Variants in FAM83D observed in about 807,000 individuals in gnomAD.
FAM83D encodes the protein protein FAM83D.
A neutral mutation model predicts 25.4 loss-of-function variants in FAM83D; 26 were observed. That is an observed-to-expected ratio of 1.02 (90% CI 0.75 to 1.42). The LOEUF (loss-of-function observed/expected upper bound fraction) is 1.42. Ranked by LOEUF, FAM83D falls within the 40% of genes most tolerant of loss-of-function variation. The probability of loss-of-function intolerance (pLI) is 0.00; values close to 1 mark genes in which losing one functional copy is unlikely to be tolerated. For missense variants in FAM83D, 740 were observed against 758.1 expected, an observed-to-expected ratio of 0.98 and a Z score of 0.28; for synonymous variants, 310 against 318.5, an observed-to-expected ratio of 0.97 and a Z score of 0.28.
At chr20:38,936,332 C>T (rs2085678938) in intron 1 of FAM83D, among the ~76,000 whole-genome samples, 1 of 152,134 alleles carries the variant, frequency 6.6e-6, no homozygotes, top group South Asian at 2.1e-4. Flanking sequence ...ACTGACTTCG[C>T]AGAGCTGGAA....
intron 1 of FAM83D, 30 bp from the exon 2 acceptor site, chr20:38,941,929 A>T (rs748544720): frequency 1.2e-6 from 2 of 1,612,356 alleles, no homozygotes; most frequent in African/African-American, 2.7e-5. Flanking sequence ...CTATAAGCTT[A>T]TCATGTGCTC....
intron 1 of FAM83D, among the ~76,000 whole-genome samples, chr20:38,938,903 C>T (rs1257928386): frequency 6.6e-6 from 1 of 152,204 alleles, no homozygotes; most frequent in Non-Finnish European, 1.5e-5. Context: ...GGGCCCAGAT[C>T]TCTGACCTAT....
At chr20:38,941,831 G>T (rs1205866631) in intron 1 of FAM83D, 128 bp from the exon 2 acceptor site, 4 of 895,392 alleles carry the variant, frequency 4.5e-6, no homozygotes, top group Non-Finnish European at 7.2e-6. Flanking sequence ...ACTGCAGAAG[G>T]GGGAGGGAAG....
At chr20:38,938,108 GCAC>G (rs2085686209) in intron 1 of FAM83D, among the ~76,000 whole-genome samples, 1 of 152,164 alleles carries the variant, frequency 6.6e-6, no homozygotes, top group Non-Finnish European at 1.5e-5. Flanking sequence ...CAAATCCAAC[GCAC>G]AGGAAAGGGT....
chr20:38,939,559 C>T (rs535406828), intron 1 of FAM83D, among the ~76,000 whole-genome samples: 6 of 152,228 alleles, frequency 3.9e-5, no homozygotes, highest in African/African-American at 9.6e-5. Flanking sequence ...CCGTGTTGGC[C>T]GGGCTGCTCT....
chr20:38,935,691 C>A (rs981275581), intron 1 of FAM83D, among the ~76,000 whole-genome samples: 14 of 152,156 alleles, frequency 9.2e-5, no homozygotes, highest in Non-Finnish European at 1.9e-4. Context: ...AGTGATCCTC[C>A]CACCTTAGCC....
chr20:38,931,325 G>A (rs1437196362), intron 1 of FAM83D, among the ~76,000 whole-genome samples: 1 of 152,228 alleles, frequency 6.6e-6, no homozygotes, highest in Non-Finnish European at 1.5e-5. Context: ...CCCATCAAGT[G>A]GGGAAGGTGG....
At position 38,952,736 on chromosome 20, in the gene FAM83D, A is replaced by T. The variant is rs1167250058; in HGVS notation, c.*216A>T. 1 of 599,336 alleles carries T rather than the reference A, an allele frequency of 1.7e-6. No homozygotes were observed. The highest frequency in any genetic ancestry group is 1.9e-5 in the African/African-American group (1 of 53,934). 37.1% of individuals were successfully genotyped at this position (599,336 alleles called of 1,614,324 possible). On this transcript the variant is annotated 3_prime_UTR_variant, in exon 4 of 4. Transcript: ENST00000619850. ...GTTTTATGGTTTAAACACTATGGAT[A>T]CAGGGGTTTGTTTTGCACAATTTTA...
At chr20:38,929,514 C>T (rs372285062) in intron 1 of FAM83D, among the ~76,000 whole-genome samples, 2 of 150,910 alleles carry the variant, frequency 1.3e-5, no homozygotes, top group African/African-American at 4.9e-5. Flanking sequence ...TTCCCCACAG[C>T]GGGTTAGTGG....
Position 38,939,418 on chromosome 20 carries a change from C to T in FAM83D, c.484-2541C>T, listed in dbSNP as rs551950993. Among the ~76,000 whole-genome samples the T allele has an allele frequency of 1.2e-4, 19 of 152,190 alleles. No individual in the cohort carries two copies. The South Asian group carries it at 3.7e-3, about 30-fold the overall frequency. On this transcript the variant is annotated intron_variant, in intron 1 of 3. Transcript: ENST00000619850. ...AGGCTGGAGTGCAGTGGTGCGATCT[C>T]GGTTCACTGCAACCTTCACCTCCCA...
At chr20:38,943,043 GAGAT>G (rs1300358160) in intron 2 of FAM83D, among the ~76,000 whole-genome samples, 320 of 139,630 alleles carry the variant, frequency 2.3e-3, no homozygotes, top group African/African-American at 8.3e-3. Flanking sequence ...TTTTTTTCCT[GAGAT>G]AGAGTCTCAC....
chr20:38,926,724 C>T lies in FAM83D; in HGVS notation c.282C>T (p.His94=), dbSNP rs1425197844. 6.6e-7 allele frequency: 1 copy of T among 1,525,810 alleles called. No homozygotes were observed. The highest frequency in any genetic ancestry group is 2.0e-5 in the Admixed American group (1 of 49,650). 94.5% of individuals were successfully genotyped at this position (1,525,810 alleles called of 1,614,324 possible). Residue 94 remains histidine (H), a synonymous_variant, in exon 1 of 4, where the codon CAC becomes CAT. Transcript: ENST00000619850. ...AAAEDSFGSS[H]DCSSGTYFPE... ...CCGAGGACTCGTTCGGCTCCTCGCA[C>T]GACTGCTCTTCGGGCACCTACTTCC...
At chr20:38,928,579 T>G (rs552793106) in intron 1 of FAM83D, among the ~76,000 whole-genome samples, 1 of 152,338 alleles carries the variant, frequency 6.6e-6, no homozygotes, top group East Asian at 1.9e-4. Flanking sequence ...CTGAAAAATG[T>G]AAAGAACTGG....
At chr20:38,944,661 C>T (rs1026012950) in intron 2 of FAM83D, among the ~76,000 whole-genome samples, 45 of 152,220 alleles carry the variant, frequency 3.0e-4, no homozygotes, top group African/African-American at 9.6e-4. Context: ...TATTTCTGGC[C>T]GGGCGCGGTG....
chr20:38,945,525 AC>A (rs2085723205), intron 2 of FAM83D, among the ~76,000 whole-genome samples: 1 of 152,204 alleles, frequency 6.6e-6, no homozygotes. Flanking sequence ...AGTACAAATA[AC>A]AAAATCAGGA....
intron 1 of FAM83D, among the ~76,000 whole-genome samples, chr20:38,932,617 C>T (rs574265638): frequency 1.3e-5 from 2 of 152,320 alleles, no homozygotes; most frequent in African/African-American, 2.4e-5. Flanking sequence ...CTGTTGATGA[C>T]GCATTCAGCT....
At chr20:38,950,138 T>C (rs780620980) in intron 3 of FAM83D, among the ~76,000 whole-genome samples, 1 of 152,164 alleles carries the variant, frequency 6.6e-6, no homozygotes, top group African/African-American at 2.4e-5. Flanking sequence ...GGCTTTCTTA[T>C]ATGGCCTTTA....
intron 1 of FAM83D, among the ~76,000 whole-genome samples, chr20:38,934,259 G>T (rs2085669543): frequency 1.3e-5 from 2 of 152,094 alleles, no homozygotes; most frequent in South Asian, 4.2e-4. Context: ...TGTTACTTCA[G>T]GAAAAAAGCA....
intron 1 of FAM83D, among the ~76,000 whole-genome samples, chr20:38,927,354 T>C (rs982369545): frequency 1.3e-5 from 2 of 152,188 alleles, no homozygotes; most frequent in Admixed American, 1.3e-4. Flanking sequence ...GCAGGGAAAG[T>C]TCCAGAAAGA....
Sources: gnomAD v4.1 joint callset for allele counts (sites outside exome capture counted in the v4.1 genomes callset) on GRCh38, gnomAD v4.1.1 for gene constraint, MANE v1.5 for transcripts, NCBI Gene and HGNC (gene_info 2026-07-23, HGNC 2026-07-21) for gene names.